The following ADGB variants were observed in gnomAD, a reference collection of about 807,000 sequenced individuals.
ADGB encodes the protein androglobin, also known as calpain-7-like protein.
A neutral mutation model predicts 210.5 loss-of-function variants in ADGB; 172 were observed. That is an observed-to-expected ratio of 0.82 (90% CI 0.72 to 0.93). The LOEUF (loss-of-function observed/expected upper bound fraction) is 0.93. ADGB is among the 40% of genes least tolerant of loss of function. The pLI is 0.00. For missense variants in ADGB, 2,025 were observed against 1,964.8 expected, an observed-to-expected ratio of 1.03 and a Z score of -0.58; for synonymous variants, 658 against 662.7, an observed-to-expected ratio of 0.99 and a Z score of 0.11.
At chr6:146,729,012 C>G (rs1776939736) in intron 20 of ADGB, among the ~76,000 whole-genome samples, 1 of 152,152 alleles carries the variant, frequency 6.6e-6, no homozygotes, top group Non-Finnish European at 1.5e-5. Flanking sequence ...GTGGGACATC[C>G]CTTTAAAAGT....
intron 1 of ADGB, among the ~76,000 whole-genome samples, chr6:146,601,058 T>C (rs1456600906): frequency 1.3e-5 from 2 of 152,126 alleles, no homozygotes; most frequent in Non-Finnish European, 2.9e-5. Context: ...TTAATGAGTT[T>C]ATATCCTGAA....
chr6:146,600,451 T>G (rs1780537476), intron 1 of ADGB: 1 of 161,616 alleles, frequency 6.2e-6, no homozygotes, highest in Non-Finnish European at 1.4e-5. Context: ...GCAGGGCCTT[T>G]GCACTTGCTG....
rs944314036 is a variant in ADGB, at chr6:146,745,977, C to T, written c.3233C>T (p.Ser1078Leu). The change falls in exon 26 of 36, where the codon TCA (serine) becomes TTA (leucine). Residue 1078 changes from serine (S) to leucine (L), a missense_variant. Coordinates refer to ENST00000397944, the MANE Select transcript of ADGB (RefSeq NM_024694.4). ...AFTGDTYVAA[S>L]RWKLRLIGSS... is the part of the protein sequence containing the mutation. Reference sequence around the variant, plus strand: ...ACAGGCGACACATATGTAGCAGCCTCACGATGGAAACTGCGTCTCATCGGT... The same window carrying T: ...ACAGGCGACACATATGTAGCAGCCTTACGATGGAAACTGCGTCTCATCGGT... 134 of 1,551,160 alleles carry T rather than the reference C, an allele frequency of 8.6e-5. No individual in the cohort carries two copies. Among genetic ancestry groups the T allele is most frequent in the Non-Finnish European group, 1.2e-4 (133 of 1,146,812 alleles).
intron 35 of ADGB, chr6:146,803,602 T>G: frequency 7.4e-7 from 1 of 1,356,544 alleles, no homozygotes; most frequent in Non-Finnish European, 1.1e-6. Context: ...CTCCTTCATG[T>G]TCTTATCAGT....
At chr6:146,647,811 T>G (rs1270446489) in intron 3 of ADGB, among the ~76,000 whole-genome samples, 1 of 152,028 alleles carries the variant, frequency 6.6e-6, no homozygotes, top group African/African-American at 2.4e-5. Flanking sequence ...AATATGACTC[T>G]GATAAGTTTT....
At chr6:146,607,998 T>C in intron 1 of ADGB, among the ~76,000 whole-genome samples, 1 of 152,220 alleles carries the variant, frequency 6.6e-6, no homozygotes, top group East Asian at 1.9e-4. Context: ...GTATGTCTGG[T>C]AGAATTCTGC....
At chr6:146,792,143 G>A (rs1188351361) in intron 33 of ADGB, among the ~76,000 whole-genome samples, 1 of 151,986 alleles carries the variant, frequency 6.6e-6, no homozygotes, top group East Asian at 1.9e-4. Context: ...TTTGTAATAT[G>A]TTTTGAAGTC....
chr6:146,732,206 C>T (rs1776998079), intron 20 of ADGB, among the ~76,000 whole-genome samples: 1 of 152,104 alleles, frequency 6.6e-6, no homozygotes, highest in South Asian at 2.1e-4. Context: ...TGTTTATAAA[C>T]CAGATTTTCT....
At chr6:146,640,962 G>GAAATCA (rs1562262180) in intron 2 of ADGB, among the ~76,000 whole-genome samples, 2 of 151,904 alleles carry the variant, frequency 1.3e-5, no homozygotes, top group African/African-American at 4.8e-5. Context: ...AGGAAGAGAA[G>GAAATCA]AAATCAAACA....
intron 33 of ADGB, among the ~76,000 whole-genome samples, chr6:146,792,361 T>C (rs1186021963): frequency 6.6e-6 from 1 of 152,154 alleles, no homozygotes; most frequent in Non-Finnish European, 1.5e-5. Context: ...ACACAGGATG[T>C]TTTTCTATTT....
At chr6:146,627,456 A>G (rs896715122) in intron 1 of ADGB, among the ~76,000 whole-genome samples, 14 of 151,990 alleles carry the variant, frequency 9.2e-5, no homozygotes, top group Non-Finnish European at 1.9e-4. Flanking sequence ...ATTCTTTCAT[A>G]TCTTGGTTTT....
intron 9 of ADGB, among the ~76,000 whole-genome samples, chr6:146,677,272 T>G (rs1426676173): frequency 2.0e-5 from 3 of 152,146 alleles, no homozygotes; most frequent in Non-Finnish European, 4.4e-5. Flanking sequence ...CTCTTTTGAG[T>G]CTCAGCTTTG....
chr6:146,784,885 C>T (rs541670865), intron 31 of ADGB, 91 bp downstream of exon 31: 245 of 1,305,038 alleles, frequency 1.9e-4, no homozygotes, highest in Admixed American at 2.5e-4. Context: ...ACCATATAGC[C>T]TGTCCTTTAG....
At chr6:146,780,459 T>C (rs1777783245) in intron 29 of ADGB, among the ~76,000 whole-genome samples, 1 of 152,054 alleles carries the variant, frequency 6.6e-6, no homozygotes, top group African/African-American at 2.4e-5. Context: ...GTAAACAACA[T>C]AGTTTCAAAA....
At chr6:146,608,389 C>T (rs1780660811) in intron 1 of ADGB, among the ~76,000 whole-genome samples, 1 of 151,870 alleles carries the variant, frequency 6.6e-6, no homozygotes, top group African/African-American at 2.4e-5. Flanking sequence ...ACATCTCTAA[C>T]TTTGGTTATT....
intron 35 of ADGB, among the ~76,000 whole-genome samples, chr6:146,808,353 G>A (rs767437062): frequency 5.3e-5 from 8 of 152,128 alleles, no homozygotes; most frequent in Non-Finnish European, 2.9e-5. Context: ...CATAGACCAA[G>A]AACTACCCTG....
intron 10 of ADGB, among the ~76,000 whole-genome samples, chr6:146,687,316 A>G (rs1244969417): frequency 3.9e-5 from 6 of 152,144 alleles, no homozygotes; most frequent in Non-Finnish European, 5.9e-5. Flanking sequence ...ACCTCTTTGC[A>G]TGCTACTGGC....
chr6:146,786,169 A>ATAT (rs5880686), intron 32 of ADGB, among the ~76,000 whole-genome samples: 123,715 of 146,840 alleles, frequency 0.84, 52,392 homozygotes, highest in African/African-American at 0.92. Flanking sequence ...AAGTTAGTAT[A>ATAT]TATATATATT....
At chr6:146,638,139 CAT>C (rs1349050459) in intron 2 of ADGB, among the ~76,000 whole-genome samples, 4 of 152,136 alleles carry the variant, frequency 2.6e-5, no homozygotes, top group Admixed American at 2.0e-4. Context: ...ACAAAAACCA[CAT>C]GATTATCTCA....
Sources: gnomAD v4.1 joint callset for allele counts (sites outside exome capture counted in the v4.1 genomes callset) on GRCh38, gnomAD v4.1.1 for gene constraint, MANE v1.5 for transcripts, NCBI Gene and HGNC (gene_info 2026-07-23, HGNC 2026-07-21) for gene names.